Variants in PLOD1 observed in about 807,000 individuals in gnomAD.
PLOD1 encodes lysine hydroxylase.
A neutral mutation model predicts 94.7 loss-of-function variants in PLOD1; 70 were observed. That is an observed-to-expected ratio of 0.74 (90% CI 0.61 to 0.90). The LOEUF (loss-of-function observed/expected upper bound fraction) is 0.90, where lower values mean the gene tolerates loss of function less well. PLOD1 is among the 40% of genes least tolerant of loss of function. PLOD1 has a pLI of 0.00. For missense variants in PLOD1, 905 were observed against 972.7 expected (o/e 0.93, Z 0.93); for synonymous variants, 417 against 400.2 (o/e 1.04, Z -0.50).
intron 1 of PLOD1, among the ~76,000 whole-genome samples, chr1:11,935,267 T>C (rs1356559747): frequency 2.0e-5 from 3 of 152,106 alleles, no homozygotes; most frequent in Admixed American, 6.6e-5. Context: ...CCCAAGATCA[T>C]ACAACTTGTG....
Position 11,957,928 on chromosome 1 carries a change from C to T in PLOD1, c.828C>T (p.Ser276=), listed in dbSNP as rs1645750826. 6.2e-7 allele frequency: 1 copy of T among 1,612,506 alleles called. No individual in the cohort carries two copies. The highest frequency in any genetic ancestry group is 1.7e-5 in the Admixed American group (1 of 59,996). ...CCGTGTGTGACGAAGGCTTGCGCAG[C>T]CTCAAGGGCATTGGGGTGAGGCTGC... is the stretch of plus-strand genomic sequence containing the variant. ...GCTVCDEGLR[S]LKGIGDEALP... Residue 276 remains serine, a synonymous_variant, in exon 8 of 19, where the codon AGC becomes AGT. Coordinates refer to ENST00000196061, the MANE Select transcript of PLOD1 (RefSeq NM_000302.4). This position sits in a 1 kb window ranked among gnomAD's most constrained non-coding sequence, Gnocchi z 4.1.
intron 1 of PLOD1, among the ~76,000 whole-genome samples, chr1:11,941,685 C>A (rs1385735576): frequency 1.3e-5 from 2 of 151,610 alleles, no homozygotes; most frequent in Non-Finnish European, 2.9e-5. Context: ...GGTTTCATCA[C>A]ATTGGTTAGG....
At chr1:11,967,193 CT>C in intron 16 of PLOD1, 102 bp downstream of exon 16, 1 of 774,744 alleles carries the variant, frequency 1.3e-6, no homozygotes. Flanking sequence ...GCCACCCTTT[CT>C]GGGACTCTTG....
chr1:11,937,466 G>A (rs2100732007), intron 1 of PLOD1, among the ~76,000 whole-genome samples: 1 of 152,336 alleles, frequency 6.6e-6, no homozygotes, highest in East Asian at 1.9e-4. Context: ...CCACCGGGCT[G>A]TGCAAAGGGC....
In PLOD1 at chr1:11,940,937, G is replaced by C. The variant is rs928017635; in HGVS notation, c.76+6082G>C. On this transcript the variant is annotated intron_variant, in intron 1 of 18. Transcript: ENST00000196061. ...CTGGAAGCGCTGGCTTTTGTCTGCA[G>C]CCAGGAGTCTGGCATCTTAGGATGT... Among the ~76,000 whole-genome samples the C allele has an allele frequency of 6.6e-5, 10 of 152,360 alleles. No individual in the cohort carries two copies. In the East Asian group the frequency reaches 1.9e-3, roughly 29 times the overall value.
chr1:11,938,607 G>A (rs1645595713), intron 1 of PLOD1, among the ~76,000 whole-genome samples: 1 of 152,158 alleles, frequency 6.6e-6, no homozygotes, highest in African/African-American at 2.4e-5. Flanking sequence ...CCCCCAAAGA[G>A]GCCAGCTCTT....
At chr1:11,945,800 C>T (rs1645649479) in intron 1 of PLOD1, among the ~76,000 whole-genome samples, 1 of 152,186 alleles carries the variant, frequency 6.6e-6, no homozygotes, top group East Asian at 1.9e-4. Context: ...CCTCTACCTT[C>T]TGGGTTCAAG....
chr1:11,974,389 G>GC (rs1314683314), intron 18 of PLOD1, among the ~76,000 whole-genome samples: 1 of 152,154 alleles, frequency 6.6e-6, no homozygotes. Flanking sequence ...CACCATGTTG[G>GC]CCATGCTGGT....
In PLOD1 at chr1:11,972,712, G is replaced by T; in HGVS notation, c.1903-160G>T. ...TTTGTTGAGAACCTTTTCTGTGCCA[G>T]GTAGTTGCAGGCACTCGAGCATAGA... is the stretch of plus-strand genomic sequence containing the variant. On this transcript the variant is annotated intron_variant, in intron 17 of 18. Transcript: ENST00000196061. The surrounding 1 kb of genome is among the most constrained non-coding windows in gnomAD (Gnocchi z 4.6). 1.4e-6 allele frequency: 1 copy of T among 691,466 alleles called. No homozygotes were observed. Among genetic ancestry groups the T allele is most frequent in the Admixed American group, 2.1e-5 (1 of 48,554 alleles). 42.8% of individuals were successfully genotyped at this position (691,466 alleles called of 1,614,324 possible).
intron 1 of PLOD1, among the ~76,000 whole-genome samples, chr1:11,939,283 C>A (rs1443633158): frequency 6.6e-6 from 1 of 152,098 alleles, no homozygotes; most frequent in Admixed American, 6.6e-5. Context: ...AGGTTGGCTC[C>A]CACGTGCAGG....
intron 5 of PLOD1, among the ~76,000 whole-genome samples, chr1:11,953,587 T>G (rs189977518): frequency 2.3e-4 from 34 of 150,306 alleles, no homozygotes; most frequent in Non-Finnish European, 4.7e-4. Flanking sequence ...AGGTCAGGAG[T>G]TTGAGACCAG....
At position 11,963,498 on chromosome 1, in the gene PLOD1, C is replaced by T. The variant is rs1352253006; in HGVS notation, c.1098-34C>T. 2.2e-6 allele frequency: 3 copies of T among 1,376,900 alleles called. No homozygotes were observed. Among genetic ancestry groups the T allele is most frequent in the African/African-American group, 2.8e-5 (2 of 70,596 alleles). 85.3% of individuals were successfully genotyped at this position (1,376,900 alleles called of 1,614,324 possible). Reference sequence around the variant, plus strand: ...GAGCAGCCACCAGTAGCTCCAGGATCAGGTGCACTGACCCTGTGTCCTCCT... The same window carrying T: ...GAGCAGCCACCAGTAGCTCCAGGATTAGGTGCACTGACCCTGTGTCCTCCT... On this transcript the variant is annotated intron_variant, in intron 10 of 18. Coordinates refer to ENST00000196061, the MANE Select transcript of PLOD1 (RefSeq NM_000302.4). This position sits in a 1 kb window ranked among gnomAD's most constrained non-coding sequence, Gnocchi z 4.3.
intron 1 of PLOD1, among the ~76,000 whole-genome samples, chr1:11,945,417 T>C (rs1263546335): frequency 3.9e-5 from 5 of 127,048 alleles, no homozygotes; most frequent in Non-Finnish European, 6.5e-5. Context: ...GGGAGTGAGA[T>C]TGGGTCTCAA....
chr1:11,964,331 G>GCC, intron 12 of PLOD1, 31 bp downstream of exon 12: 1 of 1,456,164 alleles, frequency 6.9e-7, no homozygotes, highest in Non-Finnish European at 9.6e-7. Context: ...GGTGGGTGGG[G>GCC]GACACCTTCA....
At chr1:11,935,579 T>C (rs1349283489) in intron 1 of PLOD1, among the ~76,000 whole-genome samples, 1 of 152,136 alleles carries the variant, frequency 6.6e-6, no homozygotes, top group Admixed American at 6.5e-5. Context: ...TGGAACGCAG[T>C]ATGCGATCTC....
chr1:11,968,595 C>T (rs1645838751), intron 16 of PLOD1, among the ~76,000 whole-genome samples: 1 of 146,982 alleles, frequency 6.8e-6, no homozygotes, highest in Admixed American at 6.8e-5. Context: ...CTCACTGCAA[C>T]CTCCGCCTCC....
intron 11 of PLOD1, 23 bp from the exon 12 acceptor site, chr1:11,964,152 A>C: frequency 6.2e-7 from 1 of 1,612,440 alleles, no homozygotes; most frequent in Non-Finnish European, 8.5e-7. Context: ...GCGACCTCCT[A>C]CTGAGGTGCT....
chr1:11,949,096 G>A (rs1057016969), intron 2 of PLOD1, among the ~76,000 whole-genome samples: 1 of 152,144 alleles, frequency 6.6e-6, no homozygotes, highest in Non-Finnish European at 1.5e-5. Context: ...TGTTTTAATC[G>A]TGGTGGCAAG....
intron 2 of PLOD1, among the ~76,000 whole-genome samples, chr1:11,949,331 A>G (rs937199372): frequency 1.4e-4 from 21 of 152,328 alleles, no homozygotes; most frequent in Admixed American, 8.5e-4. Flanking sequence ...CATGACCACC[A>G]GGAACCGGCT....
Sources: gnomAD v4.1 joint callset for allele counts (sites outside exome capture counted in the v4.1 genomes callset) on GRCh38, gnomAD v4.1.1 for gene constraint, Gnocchi (gnomAD v3.1) non-coding constraint, MANE v1.5 for transcripts, NCBI Gene and HGNC (gene_info 2026-07-23, HGNC 2026-07-21) for gene names.